NIPAL1: variants seen among roughly 807,000 people sequenced by gnomAD.
NIPAL1 encodes the protein NIPA like domain containing 1, also known as magnesium transporter NIPA3.
In NIPAL1, 35 loss-of-function variants were observed where a neutral mutation model predicts 37.7. The observed-to-expected ratio is 0.93, with a 90% CI of 0.71 to 1.23. The LOEUF (loss-of-function observed/expected upper bound fraction) is 1.23, where lower values mean the gene tolerates loss of function less well. NIPAL1 is among the 50% of genes most tolerant of loss of function. The probability of loss-of-function intolerance (pLI) is 0.00; values close to 1 mark genes in which losing one functional copy is unlikely to be tolerated. For synonymous variants in NIPAL1, 162 were observed against 183.0 expected (o/e 0.89, Z 0.93); for missense variants, 412 against 473.9 (o/e 0.87, Z 1.21).
In NIPAL1 at chr4:48,036,049, T is replaced by G. The variant is rs762549549; in HGVS notation, c.1110T>G (p.Thr370=). 3 of 1,609,466 alleles carry G rather than the reference T, an allele frequency of 1.9e-6. No individual in the cohort carries two copies. In the African/African-American group the frequency reaches 4.0e-5, roughly 22 times the overall value. ...TDITWSELTS[T]AKKEAVSLNV... is the part of the protein sequence containing the mutation. The stretch of plus-strand genomic sequence containing the variant: ...TTACTTGGAGTGAGCTTACATCCAC[T>G]GCTAAGAAAGAAGCCGTCTCTCTGA... The change falls in exon 6 of 6, where the codon ACT becomes ACG. Residue 370 remains threonine, a synonymous_variant. Coordinates refer to ENST00000295461, the MANE Select transcript of NIPAL1 (RefSeq NM_207330.3).
intron 1 of NIPAL1, among the ~76,000 whole-genome samples, chr4:48,018,916 T>G (rs1418838902): frequency 6.6e-6 from 1 of 152,256 alleles, no homozygotes; most frequent in Non-Finnish European, 1.5e-5. Context: ...GAAAGTGATA[T>G]TCAAGCTGAG....
Position 48,027,294 on chromosome 4 carries a change from CAA to C in NIPAL1, c.313+1963_313+1964del, listed in dbSNP as rs940835459. Among the ~76,000 whole-genome samples, 12 of 152,052 alleles carry C rather than the reference CAA, an allele frequency of 7.9e-5. No homozygotes were observed. Among genetic ancestry groups the C allele is most frequent in the African/African-American group, 2.7e-4 (11 of 41,492 alleles). On this transcript the variant is annotated intron_variant, in intron 2 of 5. Transcript: ENST00000295461. This position sits in a 1 kb window ranked among gnomAD's most constrained non-coding sequence, Gnocchi z 4.1. ...ACATGGCATATAAACAAGAAACAAA[CAA>C]AATAAGAAATGCAAATGACCAATAA...
At chr4:48,023,786 A>T (rs904785283) in intron 1 of NIPAL1, among the ~76,000 whole-genome samples, 13 of 152,188 alleles carry the variant, frequency 8.5e-5, no homozygotes, top group African/African-American at 2.9e-4. Context: ...CTCATTTTTT[A>T]AAAAGCCTAA....
In NIPAL1 at chr4:48,036,287, T is replaced by G. The variant is rs972264412; in HGVS notation, c.*115T>G. 5 of 977,162 alleles carry G rather than the reference T, an allele frequency of 5.1e-6. No individual in the cohort carries two copies. In the African/African-American group the frequency reaches 6.7e-5, roughly 13 times the overall value. The allele number at this position is 977,162 out of a possible 1,614,324, so 60.5% of individuals were successfully genotyped here. On this transcript the variant is annotated 3_prime_UTR_variant, in exon 6 of 6. Transcript: ENST00000295461. Reference sequence around the variant, plus strand: ...AGCATTTTTGCAGTTCTAACTAATTTAGATGTGAGGCCAAGTAAAAATGCC... The same window carrying G: ...AGCATTTTTGCAGTTCTAACTAATTGAGATGTGAGGCCAAGTAAAAATGCC...
Position 48,025,161 on chromosome 4 carries a change from CG to C in NIPAL1, c.142del (p.Asp48ThrfsTer2), listed in dbSNP as rs1560322937. 1 of 1,614,052 alleles carries C rather than the reference CG, an allele frequency of 6.2e-7. No individual in the cohort carries two copies. Among genetic ancestry groups the C allele is most frequent in the East Asian group, 2.2e-5 (1 of 44,894 alleles). ...SQLLASPVLY[T>X]DLNYSINNLS... ...CTGCTGGCTTCTCCTGTGCTCTACACGGACCTGAATTACAGCATAAACAACT... is the reference window on the plus strand; with the variant it reads ...CTGCTGGCTTCTCCTGTGCTCTACACGACCTGAATTACAGCATAAACAACT... On this transcript the variant is annotated frameshift_variant, in exon 2 of 6. Transcript: ENST00000295461. LOFTEE classifies it high-confidence loss of function.
chr4:48,018,008 G>A (rs1349066860), intron 1 of NIPAL1, among the ~76,000 whole-genome samples: 1 of 151,544 alleles, frequency 6.6e-6, no homozygotes, highest in African/African-American at 2.4e-5. Context: ...GAAGAGAAGG[G>A]ACACCAAAAA....
At chr4:48,030,390 G>A (rs1715794902) in intron 3 of NIPAL1, among the ~76,000 whole-genome samples, 1 of 152,010 alleles carries the variant, frequency 6.6e-6, no homozygotes, top group Non-Finnish European at 1.5e-5. Context: ...TGTGCTCTCA[G>A]TACTGTCCTG....
intron 3 of NIPAL1, 55 bp downstream of exon 3, chr4:48,030,231 A>T: frequency 8.9e-7 from 1 of 1,118,770 alleles, no homozygotes. Flanking sequence ...AATAGATTAC[A>T]TGAAATTTTT....
intron 5 of NIPAL1, 34 bp downstream of exon 5, chr4:48,035,075 C>T (rs773294546): frequency 6.4e-7 from 1 of 1,567,056 alleles, no homozygotes; most frequent in African/African-American, 1.4e-5. Context: ...CACTCAAATT[C>T]TGCTCCACTT....
rs1715710869 is a variant in NIPAL1 at position 48,027,079 on chromosome 4, T to C, written c.313+1745T>C. Among the ~76,000 whole-genome samples the C allele has an allele frequency of 6.6e-6, 1 of 152,046 alleles. No individual in the cohort carries two copies. Among genetic ancestry groups the C allele is most frequent in the African/African-American group, 2.4e-5 (1 of 41,406 alleles). On this transcript the variant is annotated intron_variant, in intron 2 of 5. Coordinates refer to ENST00000295461, the MANE Select transcript of NIPAL1 (RefSeq NM_207330.3). The surrounding 1 kb of genome is among the most constrained non-coding windows in gnomAD (Gnocchi z 4.1). ...TCTAAGCATAAAGATAAATAATTTA[T>C]TTTATATAAAGGAAGAGATTATCTA...
chr4:48,035,859 C>A lies in NIPAL1; in HGVS notation c.920C>A (p.Thr307Lys), dbSNP rs1715917417. ...GACACCTTTAATACCTCTCTTGTGACACCCATTTATTATGTATTCTTCACA... is the reference window on the plus strand; with the variant it reads ...GACACCTTTAATACCTCTCTTGTGAAACCCATTTATTATGTATTCTTCACA... ...ALDTFNTSLV[T>K]PIYYVFFTSM... Residue 307 changes from threonine to lysine, a missense_variant, in exon 6 of 6, where the codon ACA (threonine) becomes AAA (lysine). Coordinates refer to ENST00000295461, the MANE Select transcript of NIPAL1 (RefSeq NM_207330.3). 6.2e-7 allele frequency: 1 copy of A among 1,613,936 alleles called. No individual in the cohort carries two copies. Among genetic ancestry groups the A allele is most frequent in the Admixed American group, 1.7e-5 (1 of 60,012 alleles).
chr4:48,027,832 A>G lies in NIPAL1; in HGVS notation c.314-2288A>G, dbSNP rs559600031. Reference sequence around the variant, plus strand: ...ACAAGGTAGAGGTTAAGCAGAGTGCATCTGCCCAATGCTTGTTATTCTCTC... The same window carrying G: ...ACAAGGTAGAGGTTAAGCAGAGTGCGTCTGCCCAATGCTTGTTATTCTCTC... On this transcript the variant is annotated intron_variant, in intron 2 of 5. Transcript: ENST00000295461. The surrounding 1 kb of genome is among the most constrained non-coding windows in gnomAD (Gnocchi z 4.1). 6.6e-6 allele frequency among the ~76,000 whole-genome samples: 1 copy of G among 152,218 alleles called. No homozygotes were observed. Among genetic ancestry groups the G allele is most frequent in the Non-Finnish European group, 1.5e-5 (1 of 68,024 alleles).
At chr4:48,018,926 G>T (rs1015063524) in intron 1 of NIPAL1, among the ~76,000 whole-genome samples, 3 of 152,230 alleles carry the variant, frequency 2.0e-5, no homozygotes, top group Non-Finnish European at 4.4e-5. Flanking sequence ...TTCAAGCTGA[G>T]ACCCAAATGA....
rs1184406067 is a variant in NIPAL1, at chr4:48,037,781, G to A, written c.*1609G>A. 6 of 152,190 alleles carry A rather than the reference G, an allele frequency of 3.9e-5. No individual in the cohort carries two copies. Among genetic ancestry groups the A allele is most frequent in the Non-Finnish European group, 8.8e-5 (6 of 68,012 alleles). The allele number at this position is 152,190 out of a possible 1,614,324, so 9.4% of individuals were successfully genotyped here. On this transcript the variant is annotated 3_prime_UTR_variant, in exon 6 of 6. Coordinates refer to ENST00000295461, the MANE Select transcript of NIPAL1 (RefSeq NM_207330.3). The stretch of plus-strand genomic sequence containing the variant: ...AAAATTTTCCCCTCTCATTTCAAAT[G>A]CATGGCAGGAATAACATTTTTGGTG...
intron 1 of NIPAL1, among the ~76,000 whole-genome samples, chr4:48,022,820 C>CAA (rs56833476): frequency 4.5e-4 from 67 of 150,444 alleles, no homozygotes; most frequent in South Asian, 3.4e-3. Context: ...CCCATCTCTA[C>CAA]AAAAAAAAAC....
chr4:48,033,065 C>A lies in NIPAL1; in HGVS notation c.443C>A (p.Ala148Asp). 6.2e-7 allele frequency: 1 copy of A among 1,612,454 alleles called. No homozygotes were observed. Among genetic ancestry groups the A allele is most frequent in the Non-Finnish European group, 8.5e-7 (1 of 1,178,548 alleles). ...APATLVTPLG[A>D]LSVLISAILS... ...GCCACCTTGGTCACCCCTCTGGGTG[C>A]TTTGAGTGTTCTCATAAGGTATGTG... is the stretch of plus-strand genomic sequence containing the variant. Residue 148 changes from alanine to aspartate, a missense_variant, in exon 4 of 6, where the codon GCT becomes GAT. Transcript: ENST00000295461.
chr4:48,025,999 T>A (rs1476365292), intron 2 of NIPAL1, among the ~76,000 whole-genome samples: 1 of 152,112 alleles, frequency 6.6e-6, no homozygotes, highest in Non-Finnish European at 1.5e-5. Context: ...CAGAAAGGCC[T>A]TCCTTGACCA....
intron 4 of NIPAL1, among the ~76,000 whole-genome samples, chr4:48,034,423 A>AT (rs1715881800): frequency 6.6e-6 from 1 of 152,080 alleles, no homozygotes; most frequent in Non-Finnish European, 1.5e-5. Flanking sequence ...AAGATTGGAT[A>AT]CCCCTGGTCC....
Position 48,027,034 on chromosome 4 carries a change from TA to T in NIPAL1, c.313+1710del, listed in dbSNP as rs200319147. Among the ~76,000 whole-genome samples, 11 of 147,692 alleles carry T rather than the reference TA, an allele frequency of 7.4e-5. No homozygotes were observed. The highest frequency in any genetic ancestry group is 2.0e-4 in the Admixed American group (3 of 14,850). On this transcript the variant is annotated intron_variant, in intron 2 of 5. Transcript: ENST00000295461. The surrounding 1 kb of genome is among the most constrained non-coding windows in gnomAD (Gnocchi z 4.1). ...CGCCTGGCCAAAAAATGAAATAATT[TA>T]AAAAAAAAAGAAGGCTTTTCTAAGC...
Sources: allele counts gnomAD v4.1 joint callset (sites outside exome capture counted in the v4.1 genomes callset), GRCh38; gene constraint gnomAD v4.1.1; non-coding constraint Gnocchi (gnomAD v3.1); transcripts MANE v1.5; gene names NCBI Gene and HGNC (gene_info 2026-07-23, HGNC 2026-07-21).